The following SMAD2 variants were observed in gnomAD, a reference collection of about 807,000 sequenced individuals.
The protein encoded by SMAD2 is SMAD family member 2, also known as MAD homolog 2.
SMAD2 carries 8 observed loss-of-function variants against 64.4 expected under a neutral mutation model. The ratio of observed to expected loss-of-function variants is 0.12; its 90% confidence interval spans 0.07 to 0.22. The LOEUF is 0.22. SMAD2 is among the 10% of genes least tolerant of loss of function. The pLI is 1.00. For synonymous variants in SMAD2, 203 were observed against 195.8 expected, an observed-to-expected ratio of 1.04 and a Z score of -0.31; for missense variants, 289 against 561.2, an observed-to-expected ratio of 0.51 and a Z score of 4.90.
chr18:47,901,496 CTTGT>C (rs560177495), intron 1 of SMAD2, among the ~76,000 whole-genome samples: 6 of 151,914 alleles, frequency 3.9e-5, no homozygotes, highest in Non-Finnish European at 8.8e-5. Flanking sequence ...TAGTTGCCTG[CTTGT>C]TTTATATTTT....
At chr18:47,897,239 T>A (rs1190557067) in intron 1 of SMAD2, among the ~76,000 whole-genome samples, 1 of 152,162 alleles carries the variant, frequency 6.6e-6, no homozygotes. Flanking sequence ...CTTTCATAAC[T>A]AATAGGAGGC....
At chr18:47,850,462 A>G (rs1306874365) in intron 7 of SMAD2, among the ~76,000 whole-genome samples, 1 of 11,982 alleles carries the variant, frequency 8.3e-5, no homozygotes, top group Non-Finnish European at 1.4e-4. Context: ...TATATATTAT[A>G]CATAATATAT....
Position 47,823,961 on chromosome 18 carries a change from C to T in SMAD2, c.*17866G>A, listed in dbSNP as rs951710002. On this transcript the variant is annotated 3_prime_UTR_variant, in exon 11 of 11. Transcript: ENST00000262160. ...AAAAATTGGACTTAATAATAGACTC[C>T]AGGTGGACTTAGCCTAAGTGCCACT... 6.6e-6 allele frequency: 1 copy of T among 152,126 alleles called. No homozygotes were observed. Among genetic ancestry groups the T allele is most frequent in the African/African-American group, 2.4e-5 (1 of 41,426 alleles). The allele number at this position is 152,126 out of a possible 1,614,324, so 9.4% of individuals were successfully genotyped here.
chr18:47,823,195 A>G lies in SMAD2; in HGVS notation c.*18632T>C, dbSNP rs1476151667. On this transcript the variant is annotated 3_prime_UTR_variant, in exon 11 of 11. Coordinates refer to ENST00000262160, the MANE Select transcript of SMAD2 (RefSeq NM_005901.6). The stretch of plus-strand genomic sequence containing the variant: ...ATTATCATTTCCTGGCAGGCCCAGG[A>G]ACCTTAAAACTATAGGTAAAATCTA... The G allele has an allele frequency of 6.6e-6, 1 of 152,200 alleles. No homozygotes were observed. Among genetic ancestry groups the G allele is most frequent in the Admixed American group, 6.5e-5 (1 of 15,282 alleles). 9.4% of individuals were successfully genotyped at this position (152,200 alleles called of 1,614,324 possible).
chr18:47,866,645 TCTTA>T (rs1476440804), intron 5 of SMAD2, among the ~76,000 whole-genome samples: 7 of 152,180 alleles, frequency 4.6e-5, no homozygotes, highest in African/African-American at 1.4e-4. Context: ...AAATACGTTA[TCTTA>T]CTGTGTTTAT....
chr18:47,926,011 A>T (rs1384619600), intron 1 of SMAD2, among the ~76,000 whole-genome samples: 1 of 152,240 alleles, frequency 6.6e-6, no homozygotes, highest in Non-Finnish European at 1.5e-5. Context: ...ACAAGTGAAA[A>T]TTTATATGAT....
At chr18:47,876,306 C>T (rs567177616) in intron 2 of SMAD2, among the ~76,000 whole-genome samples, 1 of 152,080 alleles carries the variant, frequency 6.6e-6, no homozygotes, top group African/African-American at 2.4e-5. Context: ...AAATTTGATA[C>T]TGTTTACTAA....
chr18:47,858,211 G>A (rs1053703954), intron 6 of SMAD2, among the ~76,000 whole-genome samples: 1 of 152,092 alleles, frequency 6.6e-6, no homozygotes, highest in Non-Finnish European at 1.5e-5. Context: ...AGCAGGCCAT[G>A]TTACATATTA....
At chr18:47,921,679 C>G (rs62088122) in intron 1 of SMAD2, among the ~76,000 whole-genome samples, 1 of 152,118 alleles carries the variant, frequency 6.6e-6, no homozygotes, top group Non-Finnish European at 1.5e-5. Context: ...TCCCACAGTT[C>G]TGTCTCCTTT....
chr18:47,861,758 C>T (rs1458928080), intron 6 of SMAD2, among the ~76,000 whole-genome samples: 2 of 152,206 alleles, frequency 1.3e-5, no homozygotes, highest in Non-Finnish European at 2.9e-5. Flanking sequence ...CAATTCTTCA[C>T]TTTCCTTCAC....
At position 47,891,273 on chromosome 18, in the gene SMAD2, G is replaced by A. The variant is rs534217318; in HGVS notation, c.236+5248C>T. Among the ~76,000 whole-genome samples the A allele has an allele frequency of 9.2e-5, 14 of 152,296 alleles. No individual in the cohort carries two copies. The South Asian group carries it at 1.0e-3, about 11-fold the overall frequency. On this transcript the variant is annotated intron_variant, in intron 2 of 10. Transcript: ENST00000262160. ...TGAGCCGAGATCCCGCCACTGCACC[G>A]CAGCCTGGGCAGTAAGAGCAAAACT...
At chr18:47,866,744 ACCCTTTGGTT>A (rs779980428) in intron 5 of SMAD2, 4 of 152,158 alleles carry the variant, frequency 2.6e-5, no homozygotes, top group African/African-American at 4.8e-5. Context: ...TAAAATGTGA[ACCCTTTGGTT>A]TTGCTGTTGC....
At chr18:47,856,750 G>GT (rs1332285560) in intron 6 of SMAD2, among the ~76,000 whole-genome samples, 1 of 149,948 alleles carries the variant, frequency 6.7e-6, no homozygotes, top group South Asian at 2.1e-4. Context: ...TTACAGCATT[G>GT]TTTTTTAATT....
Position 47,869,431 on chromosome 18 carries a change from A to C in SMAD2, c.332T>G (p.Leu111Arg). 1 of 1,612,620 alleles carries C rather than the reference A, an allele frequency of 6.2e-7. No individual in the cohort carries two copies. The highest frequency in any genetic ancestry group is 2.2e-5 in the East Asian group (1 of 44,828). Residue 111 changes from leucine to arginine, a missense_variant, in exon 4 of 11, where the codon CTT (leucine) becomes CGT (arginine). Around this residue, in one of 6 missense-constraint regions of SMAD2, gnomAD observed 89 missense variants for 137.1 expected, o/e 0.65. Transcript: ENST00000262160. ...ATGGGATACCTGGAGACGACCATCA[A>C]GAGACCTGTTGGGAAGCAAGGGGAA... Reference protein sequence around the residue: ...LYSFSEQTRSLDGRLQVSHRK... With the variant: ...LYSFSEQTRSRDGRLQVSHRK...
chr18:47,872,674 G>A (rs1471615439), intron 2 of SMAD2, among the ~76,000 whole-genome samples: 2 of 152,098 alleles, frequency 1.3e-5, no homozygotes, highest in Non-Finnish European at 2.9e-5. Context: ...ATTCTCATAG[G>A]AGCAAGAACC....
chr18:47,866,294 C>A (rs577062689), intron 5 of SMAD2, among the ~76,000 whole-genome samples: 52 of 79,188 alleles, frequency 6.6e-4, no homozygotes, highest in African/African-American at 2.6e-3. Flanking sequence ...CCAGCCTGGG[C>A]AACAAGAGCA....
rs1384520848 is a variant in SMAD2 at position 47,812,436 on chromosome 18, G to A, written c.*29391C>T. On this transcript the variant is annotated 3_prime_UTR_variant, in exon 11 of 11. Transcript: ENST00000262160. ...GCGTGAGATCAGACTAATACAGCTG[G>A]GGAGGCCTCAGGAAACTTACAATTA... 1 of 152,044 alleles carries A rather than the reference G, an allele frequency of 6.6e-6. No homozygotes were observed. The highest frequency in any genetic ancestry group is 1.9e-4 in the East Asian group (1 of 5,176). 9.4% of individuals were successfully genotyped at this position (152,044 alleles called of 1,614,324 possible). A position where few individuals can be genotyped will look rare whatever the true frequency, so the allele number is the denominator to read the frequency against.
chr18:47,844,422 A>ACT (rs1412560471), intron 10 of SMAD2, among the ~76,000 whole-genome samples: 7 of 152,220 alleles, frequency 4.6e-5, no homozygotes, highest in African/African-American at 1.7e-4. Flanking sequence ...TAAGTATTTT[A>ACT]CTTAATTCCT....
chr18:47,859,788 AGAC>A, intron 6 of SMAD2, among the ~76,000 whole-genome samples: 1 of 152,362 alleles, frequency 6.6e-6, no homozygotes, highest in Non-Finnish European at 1.5e-5. Flanking sequence ...AAAGAGACAA[AGAC>A]AACAAAGACT....
Sources: allele counts gnomAD v4.1 joint callset (sites outside exome capture counted in the v4.1 genomes callset), GRCh38; gene constraint gnomAD v4.1.1; regional missense constraint gnomAD v4.1.1; transcripts MANE v1.5; gene names NCBI Gene and HGNC (gene_info 2026-07-23, HGNC 2026-07-21).